Variants in WDPCP observed in about 807,000 individuals in gnomAD.
WDPCP encodes WD repeat-containing and planar cell polarity effector protein fritz homolog.
Under a neutral mutation model 93.1 loss-of-function variants are expected in WDPCP, and 71 were observed. That is an observed-to-expected ratio of 0.76 (90% CI 0.63 to 0.93). The LOEUF is 0.93. Among genes scored for constraint, WDPCP ranks in the 40% least tolerant of loss-of-function variants. WDPCP has a pLI of 0.00. For missense variants in WDPCP, 844 were observed against 887.4 expected (o/e 0.95, Z 0.62); for synonymous variants, 315 against 315.0 (o/e 1.00, Z 0.00).
chr2:63,418,812 CTG>C (rs935670968), intron 9 of WDPCP, among the ~76,000 whole-genome samples: 3 of 152,134 alleles, frequency 2.0e-5, no homozygotes, highest in Admixed American at 6.5e-5. Context: ...GAAAATATCT[CTG>C]TTTTAATTCT....
chr2:63,705,952 A>C lies in WDPCP; in HGVS notation n.309-55114T>G, dbSNP rs1217935464. ...AGTCTAAGTCTCTTTGTAGGTCACTAAGGACTTGCTTTATGAATCTGGGTG... is the reference window on the plus strand; with the variant it reads ...AGTCTAAGTCTCTTTGTAGGTCACTCAGGACTTGCTTTATGAATCTGGGTG... On this transcript the variant is annotated intron_variant and non_coding_transcript_variant, in intron 2 of 4. Transcript: ENST00000467687. Among the ~76,000 whole-genome samples the C allele has an allele frequency of 2.6e-5, 4 of 152,200 alleles. No individual in the cohort carries two copies. In the East Asian group the frequency reaches 7.7e-4, roughly 29 times the overall value.
At chr2:63,761,223 G>T (rs181748852) in intron 2 of WDPCP, among the ~76,000 whole-genome samples, 14 of 152,214 alleles carry the variant, frequency 9.2e-5, no homozygotes, top group African/African-American at 3.1e-4. Flanking sequence ...GGATGAATTT[G>T]GTTCCCTTCC....
intron 14 of WDPCP, among the ~76,000 whole-genome samples, chr2:63,195,645 TA>T (rs1046523025): frequency 4.0e-5 from 6 of 151,742 alleles, no homozygotes; most frequent in Admixed American, 2.6e-4. Flanking sequence ...ACAAATATAT[TA>T]AAAAAAAGTT....
intron 12 of WDPCP, among the ~76,000 whole-genome samples, chr2:63,352,771 T>A (rs910539365): frequency 6.6e-6 from 1 of 152,096 alleles, no homozygotes; most frequent in East Asian, 1.9e-4. Flanking sequence ...GGAACATACA[T>A]AAAGGAATGA....
chr2:63,587,042 T>C (rs1259459377), intron 1 of WDPCP, among the ~76,000 whole-genome samples: 2 of 152,224 alleles, frequency 1.3e-5, no homozygotes, highest in Non-Finnish European at 2.9e-5. Flanking sequence ...GAAAAATCTT[T>C]CTGTTAGCAG....
At chr2:63,512,630 A>C (rs1702305560) in intron 1 of WDPCP, among the ~76,000 whole-genome samples, 1 of 152,176 alleles carries the variant, frequency 6.6e-6, no homozygotes, top group African/African-American at 2.4e-5. Context: ...TTCTCAGCAA[A>C]CTAACACAGC....
At chr2:63,490,798 G>A (rs1485875454) in intron 2 of WDPCP, among the ~76,000 whole-genome samples, 11 of 152,138 alleles carry the variant, frequency 7.2e-5, no homozygotes, top group Non-Finnish European at 1.3e-4. Context: ...GGTAAAAGGG[G>A]ATCAAGATGG....
At chr2:63,689,164 G>A (rs1334527046) in intron 2 of WDPCP, among the ~76,000 whole-genome samples, 1 of 152,162 alleles carries the variant, frequency 6.6e-6, no homozygotes, top group Non-Finnish European at 1.5e-5. Context: ...AAGTGGCAAA[G>A]CATTATTACT....
intron 2 of WDPCP, among the ~76,000 whole-genome samples, chr2:63,796,334 T>C (rs1304426237): frequency 6.6e-6 from 1 of 152,204 alleles, no homozygotes; most frequent in Non-Finnish European, 1.5e-5. Flanking sequence ...CCTCCACCAA[T>C]TGTCTGCTCT....
chr2:63,804,087 G>A (rs1335766920), intron 2 of WDPCP, among the ~76,000 whole-genome samples: 1 of 151,940 alleles, frequency 6.6e-6, no homozygotes, highest in Non-Finnish European at 1.5e-5. Flanking sequence ...ACTTGGTAAT[G>A]GGCTTGTGAC....
At chr2:63,348,133 T>A (rs181541891) in intron 12 of WDPCP, among the ~76,000 whole-genome samples, 2 of 152,322 alleles carry the variant, frequency 1.3e-5, no homozygotes, top group South Asian at 4.1e-4. Context: ...TATTATTTAT[T>A]ATTTATAATC....
At chr2:63,193,205 A>G (rs1158109759) in intron 14 of WDPCP, among the ~76,000 whole-genome samples, 2 of 152,204 alleles carry the variant, frequency 1.3e-5, no homozygotes, top group African/African-American at 4.8e-5. Context: ...TCTTGGAAAC[A>G]ATTTACGGAA....
chr2:63,303,970 C>CAAAAAAAAAA (rs34553510), intron 13 of WDPCP, among the ~76,000 whole-genome samples: 1 of 131,360 alleles, frequency 7.6e-6, no homozygotes, highest in Non-Finnish European at 1.6e-5. Context: ...AGTAAAAAGT[C>CAAAAAAAAAA]AAAAAAAAAA....
Position 63,738,505 on chromosome 2 carries a change from C to A in WDPCP, n.308+75117G>T, listed in dbSNP as rs549103852. Among the ~76,000 whole-genome samples, 3 of 152,082 alleles carry A rather than the reference C, an allele frequency of 2.0e-5. No individual in the cohort carries two copies. In the East Asian group the frequency reaches 5.8e-4, roughly 29 times the overall value. ...ATGAGAAAGGCCAGAATGCTTATGA[C>A]AAATGAGAAAGCAATTTCATTTTTG... On this transcript the variant is annotated intron_variant and non_coding_transcript_variant, in intron 2 of 4. Coordinates refer to the WDPCP transcript ENST00000467687.
intron 2 of WDPCP, among the ~76,000 whole-genome samples, chr2:63,775,613 TC>T (rs1670291680): frequency 6.6e-6 from 1 of 152,222 alleles, no homozygotes; most frequent in Non-Finnish European, 1.5e-5. Flanking sequence ...CAGTCCCACT[TC>T]GCTTTTATTT....
chr2:63,286,011 TCA>T (rs2104971963), intron 13 of WDPCP, among the ~76,000 whole-genome samples: 1 of 151,116 alleles, frequency 6.6e-6, no homozygotes, highest in East Asian at 2.0e-4. Context: ...TCTCTCTCTC[TCA>T]TTTTGTTTTT....
At position 63,404,070 on chromosome 2, in the gene WDPCP, C is replaced by G; in HGVS notation, c.1413G>C (p.Leu471Phe). Residue 471 changes from leucine to phenylalanine, a missense_variant, in exon 10 of 18, where the codon TTG becomes TTC. Physicochemically the swap from Leu to Phe is conservative, Grantham distance 22 (BLOSUM62 0). Transcript: ENST00000272321. ...TACCTAGTTTAAACAACAGCACACC[C>G]AAAGGTCCTCTTTCAAACCTGAGGA... ...LLFLRFERGP[L>F]GVLLFKLGVF... 6.2e-7 allele frequency: 1 copy of G among 1,614,050 alleles called. No homozygotes were observed. The highest frequency in any genetic ancestry group is 8.5e-7 in the Non-Finnish European group (1 of 1,179,978).
intron 3 of WDPCP, among the ~76,000 whole-genome samples, chr2:63,632,657 G>C (rs2106634229): frequency 6.6e-6 from 1 of 152,262 alleles, no homozygotes; most frequent in East Asian, 1.9e-4. Context: ...CAGGTCATTT[G>C]AAATTATCCA....
At chr2:63,450,716 G>C (rs1214949747) in intron 6 of WDPCP, among the ~76,000 whole-genome samples, 1 of 152,066 alleles carries the variant, frequency 6.6e-6, no homozygotes, top group African/African-American at 2.4e-5. Flanking sequence ...AACCACTGAG[G>C]AAATCACAGA....
Sources: gnomAD v4.1 joint callset for allele counts (sites outside exome capture counted in the v4.1 genomes callset) on GRCh38, gnomAD v4.1.1 for gene constraint, MANE v1.5 for transcripts, NCBI Gene and HGNC (gene_info 2026-07-23, HGNC 2026-07-21) for gene names.